The following CPLX2 variants were observed in gnomAD, a reference collection of about 807,000 sequenced individuals.
CPLX2 encodes the protein complexin 2.
CPLX2 carries 5 observed loss-of-function variants against 16.3 expected under a neutral mutation model. The observed-to-expected ratio is 0.31, with a 90% confidence interval of 0.16 to 0.64. The LOEUF (loss-of-function observed/expected upper bound fraction) is 0.64, where lower values mean the gene tolerates loss of function less well. Ranked by LOEUF, CPLX2 falls within the 30% of genes least tolerant of loss-of-function variation. The pLI, the probability that CPLX2 is intolerant of heterozygous loss-of-function variation, is 0.79. For synonymous variants in CPLX2, 89 were observed against 73.2 expected, an observed-to-expected ratio of 1.22 and a Z score of -1.10; for missense variants, 144 against 181.4, an observed-to-expected ratio of 0.79 and a Z score of 1.18.
At chr5:175,797,509 A>C (rs1030515303) in intron 1 of CPLX2, among the ~76,000 whole-genome samples, 13 of 151,992 alleles carry the variant, frequency 8.6e-5, no homozygotes, top group Admixed American at 7.9e-4. Flanking sequence ...CCAGACCCCC[A>C]CCCCATCCCA....
intron 2 of CPLX2, among the ~76,000 whole-genome samples, chr5:175,850,772 G>A (rs1759135242): frequency 6.6e-6 from 1 of 152,128 alleles, no homozygotes; most frequent in Middle Eastern, 3.2e-3. Context: ...ATAGAAAGGG[G>A]TGAATTGCTG....
intron 2 of CPLX2, among the ~76,000 whole-genome samples, chr5:175,860,366 T>C (rs1759338382): frequency 6.7e-6 from 1 of 149,182 alleles, no homozygotes; most frequent in African/African-American, 2.5e-5. Flanking sequence ...TAGGCGGCAG[T>C]GAGCCATGAT....
At chr5:175,822,375 G>C (rs1446584114) in intron 2 of CPLX2, among the ~76,000 whole-genome samples, 2 of 152,210 alleles carry the variant, frequency 1.3e-5, no homozygotes, top group Non-Finnish European at 2.9e-5. Flanking sequence ...TCTCAGCCCA[G>C]TGACTCAACT....
chr5:175,867,315 T>C (rs56750169), upstream of CPLX2, among the ~76,000 whole-genome samples: 4,783 of 152,164 alleles, frequency 0.031, 250 homozygotes, highest in African/African-American at 0.11. Context: ...TTCCAGCCCA[T>C]TGTGGCACAC....
At chr5:175,806,837 C>A (rs1758214803) in intron 1 of CPLX2, among the ~76,000 whole-genome samples, 1 of 152,134 alleles carries the variant, frequency 6.6e-6, no homozygotes, top group Admixed American at 6.5e-5. Flanking sequence ...TAGAGTAAGA[C>A]AAGAGACCTT....
intron 2 of CPLX2, among the ~76,000 whole-genome samples, chr5:175,816,591 G>A (rs1581072530): frequency 2.0e-5 from 3 of 152,208 alleles, no homozygotes; most frequent in Non-Finnish European, 1.5e-5. Context: ...CTGAGTTCAC[G>A]TTCTTGCAGC....
chr5:175,821,023 G>A lies in CPLX2; in HGVS notation c.-89+11955G>A, dbSNP rs557202407. ...TCTTCCTGGAGGGAGCAGTGACACT[G>A]CAGACCTCCTGGGGGTTGTCCTGGG... On this transcript the variant is annotated intron_variant, in intron 2 of 4. Coordinates refer to the CPLX2 transcript ENST00000359546. Among the ~76,000 whole-genome samples the A allele has an allele frequency of 3.3e-5, 5 of 152,278 alleles. No homozygotes were observed. In the East Asian group the frequency reaches 9.7e-4, roughly 29 times the overall value.
upstream of CPLX2, among the ~76,000 whole-genome samples, chr5:175,867,614 C>T (rs948763096): frequency 1.3e-5 from 2 of 152,136 alleles, no homozygotes; most frequent in African/African-American, 4.8e-5. Flanking sequence ...TAACACCCCA[C>T]GTAGGTCTAT....
intron 2 of CPLX2, among the ~76,000 whole-genome samples, chr5:175,846,158 C>A (rs1260787936): frequency 6.6e-6 from 1 of 152,188 alleles, no homozygotes; most frequent in Non-Finnish European, 1.5e-5. Flanking sequence ...GCCAAGTCCT[C>A]CCCAAGGGTG....
intron 2 of CPLX2, among the ~76,000 whole-genome samples, chr5:175,854,016 G>T (rs944417538): frequency 5.3e-5 from 8 of 152,162 alleles, no homozygotes; most frequent in African/African-American, 1.7e-4. Context: ...GCATCAGCCT[G>T]GGAAAGTGGG....
chr5:175,812,844 G>C (rs924839676), intron 2 of CPLX2, among the ~76,000 whole-genome samples: 2 of 152,198 alleles, frequency 1.3e-5, no homozygotes, highest in African/African-American at 4.8e-5. Flanking sequence ...TTTATCTGTT[G>C]TATATGTTGG....
At chr5:175,856,310 C>G (rs1382631628) in intron 2 of CPLX2, among the ~76,000 whole-genome samples, 1 of 152,204 alleles carries the variant, frequency 6.6e-6, no homozygotes, top group African/African-American at 2.4e-5. Flanking sequence ...TCAGCTGAGA[C>G]TTCTGTACAG....
At chr5:175,816,593 T>A (rs1330840575) in intron 2 of CPLX2, among the ~76,000 whole-genome samples, 1 of 152,226 alleles carries the variant, frequency 6.6e-6, no homozygotes, top group Non-Finnish European at 1.5e-5. Context: ...GAGTTCACGT[T>A]CTTGCAGCAC....
At chr5:175,876,138 C>T (rs1328483794) in intron 1 of CPLX2, among the ~76,000 whole-genome samples, 1 of 152,096 alleles carries the variant, frequency 6.6e-6, no homozygotes, top group East Asian at 1.9e-4. Context: ...TGCATATACC[C>T]CCACACTCAC....
At chr5:175,825,600 G>A (rs1315490631) in intron 2 of CPLX2, among the ~76,000 whole-genome samples, 7 of 152,140 alleles carry the variant, frequency 4.6e-5, no homozygotes, top group African/African-American at 1.7e-4. Flanking sequence ...TTCAGTTAAA[G>A]GGACTGTTTT....
chr5:175,830,570 G>A lies in CPLX2; in HGVS notation c.-89+21502G>A, dbSNP rs548461459. Among the ~76,000 whole-genome samples the A allele has an allele frequency of 1.1e-4, 16 of 152,312 alleles. No homozygotes were observed. The highest frequency in any genetic ancestry group is 3.4e-4 in the African/African-American group (14 of 41,560). On this transcript the variant is annotated intron_variant, in intron 2 of 4. Coordinates refer to the CPLX2 transcript ENST00000359546. This position sits in a 1 kb window ranked among gnomAD's most constrained non-coding sequence, Gnocchi z 4.0. ...TCTTCCTCTTTGCCACAGGCCATGC[G>A]GCACTAACAAGGACTCTGGTGGTCT...
At chr5:175,816,324 T>C (rs947030457) in intron 2 of CPLX2, among the ~76,000 whole-genome samples, 1 of 152,146 alleles carries the variant, frequency 6.6e-6, no homozygotes, top group Admixed American at 6.5e-5. Context: ...CGCATCACCA[T>C]GCCCAGCTAA....
chr5:175,803,031 C>T (rs371178006), intron 1 of CPLX2, among the ~76,000 whole-genome samples: 16 of 152,094 alleles, frequency 1.1e-4, no homozygotes, highest in African/African-American at 3.9e-4. Flanking sequence ...AGGGTTTCAC[C>T]GTGTTGGCCA....
intron 1 of CPLX2, among the ~76,000 whole-genome samples, chr5:175,798,073 C>G (rs1375856162): frequency 6.6e-6 from 1 of 152,194 alleles, no homozygotes; most frequent in Non-Finnish European, 1.5e-5. Flanking sequence ...CCCGGGCTCT[C>G]TAACTCCTGG....
Sources: gnomAD v4.1 joint callset for allele counts (sites outside exome capture counted in the v4.1 genomes callset) on GRCh38, gnomAD v4.1.1 for gene constraint, Gnocchi (gnomAD v3.1) non-coding constraint, MANE v1.5 for transcripts, NCBI Gene and HGNC (gene_info 2026-07-23, HGNC 2026-07-21) for gene names.